Variants in BEND4 observed in about 807,000 individuals in gnomAD.
BEND4 encodes BEN domain-containing protein 4.
Under a neutral mutation model 54.7 loss-of-function variants are expected in BEND4, and 27 were observed. The ratio of observed to expected loss-of-function variants is 0.49; its 90% CI spans 0.36 to 0.68. The LOEUF is 0.68. BEND4 is among the 30% of genes least tolerant of loss of function. BEND4 has a pLI of 0.00. For synonymous variants in BEND4, 327 were observed against 299.5 expected (o/e 1.09, Z -0.95); for missense variants, 702 against 697.2 (o/e 1.01, Z -0.08).
chr4:42,128,082 G>C (rs529514680), intron 3 of BEND4, among the ~76,000 whole-genome samples: 48 of 152,188 alleles, frequency 3.2e-4, no homozygotes, highest in African/African-American at 1.1e-3. Context: ...GATCACTTGA[G>C]TCCAGCATTT....
chr4:42,147,293 C>T (rs961425513), intron 2 of BEND4, among the ~76,000 whole-genome samples: 1 of 152,082 alleles, frequency 6.6e-6, no homozygotes, highest in Non-Finnish European at 1.5e-5. Context: ...AATCTTTCCA[C>T]TTAATACACA....
At chr4:42,136,462 T>C (rs555203414) in intron 3 of BEND4, among the ~76,000 whole-genome samples, 2 of 152,346 alleles carry the variant, frequency 1.3e-5, no homozygotes, top group South Asian at 2.1e-4. Context: ...ATTTGCAAAT[T>C]TGCTTTACTT....
rs1721278162 is a variant in BEND4, at chr4:42,151,459, C to T, written c.487+198G>A. ...CGCGGAGCCACCTGTTAGGCGCGCGCCGTCGGAAGCCCAGGCGCGGCGGCG... is the reference window on the plus strand; with the variant it reads ...CGCGGAGCCACCTGTTAGGCGCGCGTCGTCGGAAGCCCAGGCGCGGCGGCG... On this transcript the variant is annotated intron_variant, in intron 2 of 5. Coordinates refer to ENST00000502486, the MANE Select transcript of BEND4 (RefSeq NM_207406.4). 5 of 439,636 alleles carry T rather than the reference C, an allele frequency of 1.1e-5. No homozygotes were observed. The East Asian group carries it at 2.0e-4, about 17-fold the overall frequency. The allele number at this position is 439,636 out of a possible 1,614,324, so 27.2% of individuals were successfully genotyped here.
intron 3 of BEND4, among the ~76,000 whole-genome samples, chr4:42,137,931 G>A (rs1447020934): frequency 6.6e-6 from 1 of 152,124 alleles, no homozygotes; most frequent in Non-Finnish European, 1.5e-5. Context: ...GTTGGCAAAA[G>A]ATCAAAAGAT....
intron 2 of BEND4, among the ~76,000 whole-genome samples, chr4:42,149,656 C>T (rs528755629): frequency 4.0e-5 from 6 of 148,206 alleles, no homozygotes; most frequent in Non-Finnish European, 7.4e-5. Context: ...GGAACAGAGA[C>T]AAAATAAACT....
At chr4:42,151,506 T>TCCGGGTGCGCGGGGAGGCC in intron 2 of BEND4, 151 bp downstream of exon 2, 2 of 784,316 alleles carry the variant, frequency 2.5e-6, no homozygotes. Context: ...TCTCGAAGTT[T>TCCGGGTGCGCGGGGAGGCC]CCGGGTGCGC....
intron 3 of BEND4, among the ~76,000 whole-genome samples, chr4:42,130,894 ACG>A (rs1416839786): frequency 8.3e-6 from 1 of 119,820 alleles, no homozygotes; most frequent in Non-Finnish European, 1.6e-5. Context: ...CAAAAAGGAA[ACG>A]AGAGATCATG....
chr4:42,132,746 A>G (rs1720554610), intron 3 of BEND4, among the ~76,000 whole-genome samples: 1 of 152,106 alleles, frequency 6.6e-6, no homozygotes, highest in African/African-American at 2.4e-5. Context: ...CACCCAGCCT[A>G]AATTAGGAAT....
intron 4 of BEND4, among the ~76,000 whole-genome samples, chr4:42,124,816 C>A (rs1560576513): frequency 6.6e-6 from 1 of 152,182 alleles, no homozygotes. Context: ...CCGGGCCCAA[C>A]TTTCAAGAAG....
chr4:42,149,815 A>G (rs6841392), intron 2 of BEND4, among the ~76,000 whole-genome samples: 3,103 of 152,268 alleles, frequency 0.02, 86 homozygotes, highest in African/African-American at 0.061. Context: ...ACTGGTGCAG[A>G]AAAAAAGAAG....
chr4:42,151,917 G>A lies in BEND4; in HGVS notation c.227C>T (p.Pro76Leu). 8.0e-7 allele frequency: 1 copy of A among 1,256,030 alleles called. No homozygotes were observed. Among genetic ancestry groups the A allele is most frequent in the Non-Finnish European group, 1.0e-6 (1 of 1,002,120 alleles). The allele number at this position is 1,256,030 out of a possible 1,614,324, so 77.8% of individuals were successfully genotyped here. A position where few individuals can be genotyped will look rare whatever the true frequency, so the allele number is the denominator to read the frequency against. ...AAVSISSSEP[P>L]PQQFQAQSSY... ...GCTCTGCGCCTGGAACTGCTGCGGC[G>A]GCGGCTCGCTGCTGCTGATGGAGAC... Residue 76 changes from proline (P) to leucine (L), a missense_variant, in exon 2 of 6, where the codon CCG becomes CTG. Transcript: ENST00000502486.
chr4:42,125,737 T>A, intron 3 of BEND4, 63 bp from the exon 4 acceptor site: 1 of 1,147,340 alleles, frequency 8.7e-7, no homozygotes, highest in Non-Finnish European at 1.2e-6. Flanking sequence ...ATAAATAAAT[T>A]TTTTAAAGTT....
At chr4:42,148,414 CTCAG>C (rs1721151557) in intron 2 of BEND4, among the ~76,000 whole-genome samples, 2 of 152,324 alleles carry the variant, frequency 1.3e-5, no homozygotes, top group South Asian at 4.1e-4. Flanking sequence ...ATTCATCCTG[CTCAG>C]TCAATCCCTG....
chr4:42,151,932 C>A lies in BEND4; in HGVS notation c.212G>T (p.Ser71Ile). 1.6e-6 allele frequency: 2 copies of A among 1,252,168 alleles called. No homozygotes were observed. Among genetic ancestry groups the A allele is most frequent in the Non-Finnish European group, 2.0e-6 (2 of 998,074 alleles). The allele number at this position is 1,252,168 out of a possible 1,614,324, so 77.6% of individuals were successfully genotyped here. The change falls in exon 2 of 6, where the codon AGC becomes ATC. Residue 71 changes from serine (S) to isoleucine (I), a missense_variant. Ser to Ile is a moderately radical substitution (Grantham distance 142, BLOSUM62 -2). Coordinates refer to ENST00000502486, the MANE Select transcript of BEND4 (RefSeq NM_207406.4). Reference sequence around the variant, plus strand: ...CTGCTGCGGCGGCGGCTCGCTGCTGCTGATGGAGACGGCGGCGTGCGGCGC... The same window carrying A: ...CTGCTGCGGCGGCGGCTCGCTGCTGATGATGGAGACGGCGGCGTGCGGCGC... ...PFAPHAAVSI[S>I]SSEPPPQQFQ... is the part of the protein sequence containing the mutation.
chr4:42,145,406 G>T (rs1721040897), intron 2 of BEND4, among the ~76,000 whole-genome samples: 1 of 152,078 alleles, frequency 6.6e-6, no homozygotes, highest in Admixed American at 6.6e-5. Flanking sequence ...GAATATACAT[G>T]TAAAACAGCT....
At position 42,120,199 on chromosome 4, in the gene BEND4, G is replaced by A; in HGVS notation, c.1242C>T (p.Leu414=). ...VNSSKKDGRR[L]LRYLIRFVFT... ...AAACAAATCTGATGAGGTATCGAAG[G>A]AGCCGTCTCCCATCTTTCTTTGAAG... The change falls in exon 5 of 6, where the codon CTC becomes CTT. Residue 414 remains leucine (L), a synonymous_variant. Transcript: ENST00000502486. The A allele has an allele frequency of 6.2e-7, 1 of 1,613,878 alleles. No homozygotes were observed. The highest frequency in any genetic ancestry group is 2.2e-5 in the East Asian group (1 of 44,878).
intron 3 of BEND4, among the ~76,000 whole-genome samples, chr4:42,138,540 G>C (rs1443128299): frequency 1.3e-5 from 2 of 152,124 alleles, no homozygotes; most frequent in African/African-American, 4.8e-5. Context: ...AATTTGTACC[G>C]TACTTGAGAT....
intron 3 of BEND4, among the ~76,000 whole-genome samples, chr4:42,132,792 TCAGACC>T (rs1315773027): frequency 1.3e-5 from 2 of 152,010 alleles, no homozygotes; most frequent in Non-Finnish European, 1.5e-5. Context: ...AACTACTACT[TCAGACC>T]CATTGGGCAT....
rs1305915304 is a variant in BEND4 at position 42,120,205 on chromosome 4, T to C, written c.1236A>G (p.Arg412=). 14 of 1,613,934 alleles carry C rather than the reference T, an allele frequency of 8.7e-6. No homozygotes were observed. Among genetic ancestry groups the C allele is most frequent in the Non-Finnish European group, 1.1e-5 (13 of 1,179,878 alleles). ...ATCTGATGAGGTATCGAAGGAGCCG[T>C]CTCCCATCTTTCTTTGAAGAATTTA... is the stretch of plus-strand genomic sequence containing the variant. ...EAVNSSKKDG[R]RLLRYLIRFV... is the part of the protein sequence containing the mutation. The change falls in exon 5 of 6, where the codon AGA becomes AGG. Residue 412 remains arginine (R), a synonymous_variant. Coordinates refer to ENST00000502486, the MANE Select transcript of BEND4 (RefSeq NM_207406.4).
Sources: gnomAD v4.1 joint callset for allele counts (sites outside exome capture counted in the v4.1 genomes callset) on GRCh38, gnomAD v4.1.1 for gene constraint, MANE v1.5 for transcripts, NCBI Gene and HGNC (gene_info 2026-07-23, HGNC 2026-07-21) for gene names.